The following NAV3 variants were observed in gnomAD, a reference collection of about 807,000 sequenced individuals.
The protein encoded by NAV3 is neuron navigator 3.
In NAV3, 87 loss-of-function variants were observed where a neutral mutation model predicts 244.7. That is an observed-to-expected ratio of 0.36 (90% CI 0.30 to 0.42). The LOEUF is 0.42. Ranked by LOEUF, NAV3 falls within the 20% of genes least tolerant of loss-of-function variation. The probability of loss-of-function intolerance (pLI) is 1.00; values close to 1 mark genes in which losing one functional copy is unlikely to be tolerated. For synonymous variants in NAV3, 1,126 were observed against 1,042.2 expected (o/e 1.08, Z -1.55); for missense variants, 2,663 against 2,893.3 (o/e 0.92, Z 1.83).
intron 22 of NAV3, among the ~76,000 whole-genome samples, chr12:78,157,931 A>G (rs1354141360): frequency 6.6e-6 from 1 of 152,148 alleles, no homozygotes; most frequent in Non-Finnish European, 1.5e-5. Context: ...AGTGTCAGGT[A>G]AAGAAAGGCA....
chr12:77,749,071 C>G (rs1868704670), intron 2 of NAV3, among the ~76,000 whole-genome samples: 1 of 152,150 alleles, frequency 6.6e-6, no homozygotes, highest in Non-Finnish European at 1.5e-5. Context: ...TAGAAACCAT[C>G]CACGTTGTTG....
At chr12:77,585,757 G>T (rs966073458) in intron 2 of NAV3, among the ~76,000 whole-genome samples, 3 of 152,130 alleles carry the variant, frequency 2.0e-5, no homozygotes, top group Admixed American at 6.5e-5. Context: ...TTCCTAACAG[G>T]CCACAAGCCA....
chr12:78,049,964 A>T, intron 9 of NAV3, 29 bp from the exon 10 acceptor site: 1 of 1,518,440 alleles, frequency 6.6e-7, no homozygotes, highest in South Asian at 1.2e-5. Context: ...AATGTCATGA[A>T]TAGCAAATTT....
chr12:78,034,127 A>C (rs756478235), intron 9 of NAV3, among the ~76,000 whole-genome samples: 1 of 152,224 alleles, frequency 6.6e-6, no homozygotes. Context: ...CAACTTCGGC[A>C]CTGTGGACGT....
At chr12:77,577,383 A>T (rs1869141109) in intron 2 of NAV3, among the ~76,000 whole-genome samples, 1 of 152,180 alleles carries the variant, frequency 6.6e-6, no homozygotes, top group Admixed American at 6.5e-5. Context: ...TATCATAGAA[A>T]TCTAAAAATT....
At chr12:77,866,610 CTT>C (rs1880072890) in intron 1 of NAV3, among the ~76,000 whole-genome samples, 1 of 152,186 alleles carries the variant, frequency 6.6e-6, no homozygotes, top group Non-Finnish European at 1.5e-5. Context: ...TAAGAAGTGA[CTT>C]GTGACAAATT....
At chr12:78,024,667 C>T (rs115648127) in intron 9 of NAV3, among the ~76,000 whole-genome samples, 82 of 152,186 alleles carry the variant, frequency 5.4e-4, no homozygotes, top group African/African-American at 1.9e-3. Flanking sequence ...ATCATTTCTC[C>T]AACCTTAATT....
intron 2 of NAV3, among the ~76,000 whole-genome samples, chr12:77,742,536 C>A (rs1264911899): frequency 6.6e-6 from 1 of 151,888 alleles, no homozygotes; most frequent in East Asian, 1.9e-4. Flanking sequence ...TTAGGGATGT[C>A]ATAAATGTAT....
At chr12:77,850,104 A>G in intron 1 of NAV3, among the ~76,000 whole-genome samples, 1 of 152,240 alleles carries the variant, frequency 6.6e-6, no homozygotes, top group East Asian at 1.9e-4. Flanking sequence ...TCTTTAACAT[A>G]AAATTCAAGA....
intron 9 of NAV3, chr12:78,037,269 A>T: frequency 1.4e-6 from 1 of 703,020 alleles, no homozygotes; most frequent in Non-Finnish European, 2.6e-6. Context: ...CATCAGCAGA[A>T]GCTGGGCTGA....
At chr12:77,589,717 A>G (rs1869817884) in intron 2 of NAV3, among the ~76,000 whole-genome samples, 2 of 152,236 alleles carry the variant, frequency 1.3e-5, no homozygotes, top group Non-Finnish European at 2.9e-5. Context: ...TGTGGGGATT[A>G]TGGGAGCTAC....
intron 1 of NAV3, among the ~76,000 whole-genome samples, chr12:77,840,149 A>G (rs1389704632): frequency 6.6e-6 from 1 of 152,220 alleles, no homozygotes; most frequent in Admixed American, 6.5e-5. Flanking sequence ...TTTTATATGG[A>G]ATAGCATTTA....
chr12:77,885,146 C>T (rs11107171), intron 1 of NAV3, among the ~76,000 whole-genome samples: 5 of 151,828 alleles, frequency 3.3e-5, no homozygotes, highest in African/African-American at 9.7e-5. Context: ...ATCTTGAAAG[C>T]GAAATTATTC....
chr12:77,725,043 T>TA (rs909244472), intron 2 of NAV3, among the ~76,000 whole-genome samples: 5 of 151,994 alleles, frequency 3.3e-5, no homozygotes, highest in Non-Finnish European at 5.9e-5. Context: ...CTTTCCTAAG[T>TA]AAAAAATATC....
rs72534188 is a variant in NAV3 at position 78,160,404 on chromosome 12, CGT to C, written c.4869+1137_4869+1138del. 1.1e-3 allele frequency among the ~76,000 whole-genome samples: 152 copies of C among 144,672 alleles called. 1 individual carries two copies. Among genetic ancestry groups the C allele is most frequent in the Admixed American group, 1.5e-3 (22 of 14,694 alleles). 94.9% of individuals were successfully genotyped at this position (144,672 alleles called of 152,430 possible). ...GTGTGTGTGTGTGTGTGTGTGCGTG[CGT>C]GTGTGTGTGTGTGTGTGTATGAAAA... is the stretch of plus-strand genomic sequence containing the variant. On this transcript the variant is annotated intron_variant, in intron 23 of 39. Transcript: ENST00000397909.
At chr12:77,736,777 C>T (rs1172627666) in intron 2 of NAV3, among the ~76,000 whole-genome samples, 5 of 152,148 alleles carry the variant, frequency 3.3e-5, no homozygotes, top group Admixed American at 3.3e-4. Flanking sequence ...CCTTAGGGGG[C>T]ACTATATGTC....
At chr12:77,572,079 G>A (rs17043896) in exon 2 of NAV3, 16,464 of 154,316 alleles carry the variant, frequency 0.11, 1,338 homozygotes, top group African/African-American at 0.23. Context: ...GATGAAGTTC[G>A]GAAACGGTGT....
At chr12:78,198,308 A>G (rs918076460) in intron 35 of NAV3, among the ~76,000 whole-genome samples, 1 of 151,932 alleles carries the variant, frequency 6.6e-6, no homozygotes, top group African/African-American at 2.4e-5. Flanking sequence ...TTAGAGTGGG[A>G]CAAAACCCCT....
chr12:77,707,866 A>G (rs538061361), intron 2 of NAV3, among the ~76,000 whole-genome samples: 1 of 152,272 alleles, frequency 6.6e-6, no homozygotes, highest in South Asian at 2.1e-4. Context: ...ACTTCTTTTG[A>G]GACGTGTCTG....
Sources: gnomAD v4.1 joint callset for allele counts (sites outside exome capture counted in the v4.1 genomes callset) on GRCh38, gnomAD v4.1.1 for gene constraint, MANE v1.5 for transcripts, NCBI Gene and HGNC (gene_info 2026-07-23, HGNC 2026-07-21) for gene names.